Variants in DDAH2 observed in about 807,000 individuals in gnomAD.
DDAH2 encodes the protein putative hydrolase DDAH2.
DDAH2 carries 8 observed loss-of-function variants against 24.8 expected under a neutral mutation model. The observed-to-expected ratio is 0.32, with a 90% CI of 0.19 to 0.58. DDAH2 has a LOEUF of 0.58. Among genes scored for constraint, DDAH2 ranks in the 20% least tolerant of loss-of-function variants. DDAH2 has a pLI of 0.87. For synonymous variants in DDAH2, 151 were observed against 166.1 expected (o/e 0.91, Z 0.70); for missense variants, 281 against 379.0 (o/e 0.74, Z 2.15).
chr6:31,729,695 G>A (rs1173217695), upstream of DDAH2: 1 of 162,512 alleles, frequency 6.2e-6, no homozygotes, highest in Non-Finnish European at 1.4e-5. The surrounding 1 kb of genome is among the most constrained non-coding windows in gnomAD (Gnocchi z 6.7). Context: ...GAACGAGAAG[G>A]GAGAGAGGTG....
chr6:31,728,187 G>T lies in DDAH2; in HGVS notation c.577C>A (p.Gln193Lys). The T allele has an allele frequency of 6.2e-7, 1 of 1,612,028 alleles. No homozygotes were observed. Among genetic ancestry groups the T allele is most frequent in the Non-Finnish European group, 8.5e-7 (1 of 1,179,870 alleles). Residue 193 changes from glutamine (Q) to lysine (K), a missense_variant, in exon 4 of 6, where the codon CAA (glutamine) becomes AAA (lysine). Coordinates refer to ENST00000375789, the MANE Select transcript of DDAH2 (RefSeq NM_001303007.2). The surrounding 1 kb of genome is among the most constrained non-coding windows in gnomAD (Gnocchi z 9.8). ...TVVAGSSDAA[Q>K]KAVRAMAVLT... ...CCCCTCCTCACCCGGACAGCCTTTTGGGCAGCGTCGCTGCTGCCTGCCACA... is the reference window on the plus strand; with the variant it reads ...CCCCTCCTCACCCGGACAGCCTTTTTGGCAGCGTCGCTGCTGCCTGCCACA...
In DDAH2 at chr6:31,728,446, C is replaced by G. The variant is rs760332742; in HGVS notation, c.471+5G>C. On this transcript the variant is annotated splice_donor_5th_base_variant and intron_variant, in intron 3 of 5. Coordinates refer to ENST00000375789, the MANE Select transcript of DDAH2 (RefSeq NM_001303007.2). The surrounding 1 kb of genome is among the most constrained non-coding windows in gnomAD (Gnocchi z 9.8). Reference sequence around the variant, plus strand: ...CTCCCTCCCTAGGCTGGTCCCGCTCCGCACCCGGAACGTGTCCGCCACGAT... The same window carrying G: ...CTCCCTCCCTAGGCTGGTCCCGCTCGGCACCCGGAACGTGTCCGCCACGAT... 6.2e-7 allele frequency: 1 copy of G among 1,612,752 alleles called. No homozygotes were observed. The highest frequency in any genetic ancestry group is 8.5e-7 in the Non-Finnish European group (1 of 1,179,976).
chr6:31,727,668 G>C lies in DDAH2; in HGVS notation c.616C>G (p.Pro206Ala). Reference protein sequence around the residue: ...VRAMAVLTDHPYASLTLPDDA... With the variant: ...VRAMAVLTDHAYASLTLPDDA... ...TCTGGGAGGGTCAGGGAGGCATATG[G>C]GTGATCTGTCAGCACTGCCATTGCC... Residue 206 changes from proline (P) to alanine (A), a missense_variant, in exon 5 of 6, where the codon CCA becomes GCA. By Grantham distance (27) the Pro-to-Ala change is conservative. Coordinates refer to ENST00000375789, the MANE Select transcript of DDAH2 (RefSeq NM_001303007.2). This position sits in a 1 kb window ranked among gnomAD's most constrained non-coding sequence, Gnocchi z 6.0. The C allele has an allele frequency of 6.2e-7, 1 of 1,610,036 alleles. No individual in the cohort carries two copies. Among genetic ancestry groups the C allele is most frequent in the Non-Finnish European group, 8.5e-7 (1 of 1,178,372 alleles).
At position 31,728,142 on chromosome 6, in the gene DDAH2, C is replaced by T. The variant is rs1357697246; in HGVS notation, c.591+31G>A. The T allele has an allele frequency of 1.2e-6, 2 of 1,607,854 alleles. No homozygotes were observed. Among genetic ancestry groups the T allele is most frequent in the Admixed American group, 1.7e-5 (1 of 59,756 alleles). On this transcript the variant is annotated intron_variant, in intron 4 of 5. Transcript: ENST00000375789. This position sits in a 1 kb window ranked among gnomAD's most constrained non-coding sequence, Gnocchi z 9.8. ...CCGGCCTCCCGGGCCCAGAACTGCG[C>T]CCACTTTCGTTGGCCCCGCCCCCTC... is the stretch of plus-strand genomic sequence containing the variant.
chr6:31,728,600 A>G lies in DDAH2; in HGVS notation c.397+46T>C. The G allele has an allele frequency of 6.2e-7, 1 of 1,611,602 alleles. No individual in the cohort carries two copies. The highest frequency in any genetic ancestry group is 8.5e-7 in the Non-Finnish European group (1 of 1,179,138). On this transcript the variant is annotated intron_variant, in intron 2 of 5. Transcript: ENST00000375789. The surrounding 1 kb of genome is among the most constrained non-coding windows in gnomAD (Gnocchi z 9.8). ...AGGCTCCAGACGGCCGAGTCTCCCA[A>G]ACTCTACTTCCCTGTGCCAAGACCT...
At position 31,728,389 on chromosome 6, in the gene DDAH2, G is replaced by T; in HGVS notation, c.471+62C>A. ...TCTGCCTCTCATTTCCTCAGCGGGC[G>T]CCCAGGCCCTTCCGACCCCCACCTG... On this transcript the variant is annotated intron_variant, in intron 3 of 5. Coordinates refer to ENST00000375789, the MANE Select transcript of DDAH2 (RefSeq NM_001303007.2). The surrounding 1 kb of genome is among the most constrained non-coding windows in gnomAD (Gnocchi z 9.8). 2 of 1,609,960 alleles carry T rather than the reference G, an allele frequency of 1.2e-6. No homozygotes were observed. The highest frequency in any genetic ancestry group is 8.5e-7 in the Non-Finnish European group (1 of 1,178,424).
rs749466786 is a variant in DDAH2 at position 31,727,500 on chromosome 6, T to C, written c.741+43A>G. The C allele has an allele frequency of 5.6e-6, 9 of 1,612,810 alleles. No homozygotes were observed. The South Asian group carries it at 9.9e-5, about 18-fold the overall frequency. On this transcript the variant is annotated intron_variant, in intron 5 of 5. Coordinates refer to ENST00000375789, the MANE Select transcript of DDAH2 (RefSeq NM_001303007.2). This position sits in a 1 kb window ranked among gnomAD's most constrained non-coding sequence, Gnocchi z 6.0. ...CCCACTAGGAAAGCCTGAAACTCTTTTCTCTGATGGTGCTTGGTGTTGGAG... is the reference window on the plus strand; with the variant it reads ...CCCACTAGGAAAGCCTGAAACTCTTCTCTCTGATGGTGCTTGGTGTTGGAG...
Position 31,729,091 on chromosome 6 carries a change from G to A in DDAH2, c.71C>T (p.Ala24Val). ...GCCAGCCCCCGCACCTTCCCCCGAC[G>A]CCAGGCTCTCTGGGACTCCCCGGAT... ...ALIRGVPESL[A>V]SGEGAGAGLP... is the part of the protein sequence containing the mutation. Residue 24 changes from alanine to valine, a missense_variant, in exon 1 of 6, where the codon GCG (alanine) becomes GTG (valine). Transcript: ENST00000375789. This position sits in a 1 kb window ranked among gnomAD's most constrained non-coding sequence, Gnocchi z 6.7. The A allele has an allele frequency of 6.2e-7, 1 of 1,612,908 alleles. No homozygotes were observed. Among genetic ancestry groups the A allele is most frequent in the Non-Finnish European group, 8.5e-7 (1 of 1,179,966 alleles).
upstream of DDAH2, chr6:31,729,478 G>A (rs1807689164): frequency 5.3e-6 from 2 of 377,540 alleles, no homozygotes; most frequent in Non-Finnish European, 9.5e-6. This position sits in a 1 kb window ranked among gnomAD's most constrained non-coding sequence, Gnocchi z 6.7. Context: ...GCCCCTGCTT[G>A]GGGGCTTGTG....
Position 31,729,288 on chromosome 6 carries a change from G to A in DDAH2, c.-127C>T. 1 of 833,090 alleles carries A rather than the reference G, an allele frequency of 1.2e-6. No homozygotes were observed. Among genetic ancestry groups the A allele is most frequent in the South Asian group, 1.7e-5 (1 of 57,996 alleles). 51.6% of individuals were successfully genotyped at this position (833,090 alleles called of 1,614,324 possible). On this transcript the variant is annotated 5_prime_UTR_variant, in exon 1 of 6. Transcript: ENST00000375789. This position sits in a 1 kb window ranked among gnomAD's most constrained non-coding sequence, Gnocchi z 6.7. ...AGACATGCAGACAAGGGCGTTGGGG[G>A]TGGTTAAGAGCGCCCAGGTCTTCCT...
rs1434635510 is a variant in DDAH2, at chr6:31,729,172, C to T, written c.-11G>A. On this transcript the variant is annotated 5_prime_UTR_variant, in exon 1 of 6. In the 5' UTR this introduces an upstream ATG that the reference lacks. Coordinates refer to ENST00000375789, the MANE Select transcript of DDAH2 (RefSeq NM_001303007.2). The surrounding 1 kb of genome is among the most constrained non-coding windows in gnomAD (Gnocchi z 6.7). ...CCCCGGCGTCCCCATCCCATCCACACAGACTCCCCCTCCAACCGCTCGGAT... is the reference window on the plus strand; with the variant it reads ...CCCCGGCGTCCCCATCCCATCCACATAGACTCCCCCTCCAACCGCTCGGAT... 5.1e-6 allele frequency: 8 copies of T among 1,579,554 alleles called. No homozygotes were observed. The highest frequency in any genetic ancestry group is 4.1e-5 in the African/African-American group (3 of 74,074).
chr6:31,727,667 G>A lies in DDAH2; in HGVS notation c.617C>T (p.Pro206Leu). ...ATCTGGGAGGGTCAGGGAGGCATATGGGTGATCTGTCAGCACTGCCATTGC... is the reference window on the plus strand; with the variant it reads ...ATCTGGGAGGGTCAGGGAGGCATATAGGTGATCTGTCAGCACTGCCATTGC... The part of the protein sequence containing the change: ...VRAMAVLTDH[P>L]YASLTLPDDA... The change falls in exon 5 of 6, where the codon CCA (proline) becomes CTA (leucine). Residue 206 changes from proline to leucine, a missense_variant. Transcript: ENST00000375789. The surrounding 1 kb of genome is among the most constrained non-coding windows in gnomAD (Gnocchi z 6.0). 3 of 1,610,116 alleles carry A rather than the reference G, an allele frequency of 1.9e-6. No individual in the cohort carries two copies. The highest frequency in any genetic ancestry group is 1.7e-4 in the Middle Eastern group (1 of 6,054).
In DDAH2 at chr6:31,728,770, G is replaced by A. The variant is rs762297044; in HGVS notation, c.298-25C>T. ...CCTTAGGATAGGAGAAGAGGGCACG[G>A]AGCTGTGACACCCCCATCCTCAATT... On this transcript the variant is annotated intron_variant, in intron 1 of 5. Coordinates refer to ENST00000375789, the MANE Select transcript of DDAH2 (RefSeq NM_001303007.2). This position sits in a 1 kb window ranked among gnomAD's most constrained non-coding sequence, Gnocchi z 9.8. 1 of 1,612,386 alleles carries A rather than the reference G, an allele frequency of 6.2e-7. No individual in the cohort carries two copies. The highest frequency in any genetic ancestry group is 8.5e-7 in the Non-Finnish European group (1 of 1,179,652).
rs766268044 is a variant in DDAH2, at chr6:31,727,288, G to A, written c.807C>T (p.Gly269=). ...CCAAGCAGAGGGAGCTGAGCCCGGCGCCAGCCTTCTCCAGTTCTGAGCAGG... is the reference window on the plus strand; with the variant it reads ...CCAAGCAGAGGGAGCTGAGCCCGGCACCAGCCTTCTCCAGTTCTGAGCAGG... ...PVSCSELEKA[G]AGLSSLCLVL... is the part of the protein sequence containing the mutation. The change falls in exon 6 of 6, where the codon GGC becomes GGT. Residue 269 remains glycine (G), a synonymous_variant. Coordinates refer to ENST00000375789, the MANE Select transcript of DDAH2 (RefSeq NM_001303007.2). The surrounding 1 kb of genome is among the most constrained non-coding windows in gnomAD (Gnocchi z 6.0). 34 of 1,612,950 alleles carry A rather than the reference G, an allele frequency of 2.1e-5. No individual in the cohort carries two copies. Among genetic ancestry groups the A allele is most frequent in the Middle Eastern group, 3.3e-4 (2 of 6,082 alleles).
rs761543179 is a variant in DDAH2, at chr6:31,727,679, A to G, written c.605T>C (p.Leu202Pro). 2 of 1,605,948 alleles carry G rather than the reference A, an allele frequency of 1.2e-6. No individual in the cohort carries two copies. Among genetic ancestry groups the G allele is most frequent in the South Asian group, 2.2e-5 (2 of 90,244 alleles). ...AQKAVRAMAV[L>P]TDHPYASLTL... is the part of the protein sequence containing the mutation. ...CAGGGAGGCATATGGGTGATCTGTC[A>G]GCACTGCCATTGCCTAGAGGAAAGA... The change falls in exon 5 of 6, where the codon CTG (leucine) becomes CCG (proline). Residue 202 changes from leucine (L) to proline (P), a missense_variant. Physicochemically the swap from Leu to Pro is moderately conservative, Grantham distance 98 (BLOSUM62 -3). Transcript: ENST00000375789. This position sits in a 1 kb window ranked among gnomAD's most constrained non-coding sequence, Gnocchi z 6.0.
At position 31,727,774 on chromosome 6, in the gene DDAH2, A is replaced by T; in HGVS notation, c.592-82T>A. 1 of 1,442,130 alleles carries T rather than the reference A, an allele frequency of 6.9e-7. No individual in the cohort carries two copies. The highest frequency in any genetic ancestry group is 9.4e-7 in the Non-Finnish European group (1 of 1,067,884). 89.3% of individuals were successfully genotyped at this position (1,442,130 alleles called of 1,614,324 possible). On this transcript the variant is annotated intron_variant, in intron 4 of 5. Coordinates refer to ENST00000375789, the MANE Select transcript of DDAH2 (RefSeq NM_001303007.2). The surrounding 1 kb of genome is among the most constrained non-coding windows in gnomAD (Gnocchi z 6.0). ...GCTCAACCACCACTAAGGGCTGGGG[A>T]CGGACTGACATTTGTGGAAAATAAT... is the stretch of plus-strand genomic sequence containing the variant.
chr6:31,728,286 CG>C lies in DDAH2; in HGVS notation c.477del (p.Phe159LeufsTer44). 6.2e-7 allele frequency: 1 copy of C among 1,609,952 alleles called. No homozygotes were observed. Among genetic ancestry groups the C allele is most frequent in the African/African-American group, 1.3e-5 (1 of 74,954 alleles). Reference protein sequence around the residue: ...AEIVADTFRDFAVSTVPVSGP... With the variant: ...AEIVADTFRDXAVSTVPVSGP... ...CCCGAGACTGGCACAGTGGAGACGG[CG>C]AAGTCCTAGGGAGAGCGAAGGGAGG... On this transcript the variant is annotated frameshift_variant, in exon 4 of 6. Coordinates refer to ENST00000375789, the MANE Select transcript of DDAH2 (RefSeq NM_001303007.2). LOFTEE classifies it high-confidence loss of function. The surrounding 1 kb of genome is among the most constrained non-coding windows in gnomAD (Gnocchi z 9.8).
rs1008564505 is a variant in DDAH2, at chr6:31,727,454, G to A, written c.741+89C>T. Reference sequence around the variant, plus strand: ...CAGAGTGGCCCCACCCAGGCTTCTAGAGAAGGTACCCTTCCTTCCTCCCAC... The same window carrying A: ...CAGAGTGGCCCCACCCAGGCTTCTAAAGAAGGTACCCTTCCTTCCTCCCAC... On this transcript the variant is annotated intron_variant, in intron 5 of 5. Transcript: ENST00000375789. The surrounding 1 kb of genome is among the most constrained non-coding windows in gnomAD (Gnocchi z 6.0). 6.8e-5 allele frequency: 109 copies of A among 1,605,126 alleles called. No homozygotes were observed. Among genetic ancestry groups the A allele is most frequent in the South Asian group, 1.5e-4 (14 of 90,554 alleles).
Position 31,729,190 on chromosome 6 carries a change from G to C in DDAH2, c.-29C>G. 2 of 1,507,014 alleles carry C rather than the reference G, an allele frequency of 1.3e-6. No homozygotes were observed. Among genetic ancestry groups the C allele is most frequent in the Non-Finnish European group, 1.8e-6 (2 of 1,110,216 alleles). The allele number at this position is 1,507,014 out of a possible 1,614,324, so 93.4% of individuals were successfully genotyped here. ...ATCCACACAGACTCCCCCTCCAACC[G>C]CTCGGATTTCTTAGTTTTCTTGTTT... On this transcript the variant is annotated 5_prime_UTR_variant, in exon 1 of 6. Transcript: ENST00000375789. The surrounding 1 kb of genome is among the most constrained non-coding windows in gnomAD (Gnocchi z 6.7).
Sources: gnomAD v4.1 joint callset for allele counts on GRCh38, gnomAD v4.1.1 for gene constraint, Gnocchi (gnomAD v3.1) non-coding constraint, MANE v1.5 for transcripts, NCBI Gene and HGNC (gene_info 2026-07-23, HGNC 2026-07-21) for gene names.